The following CAPN14 variants were observed in gnomAD, a reference collection of about 807,000 sequenced individuals.
The protein encoded by CAPN14 is calpain 14, also known as calpain-14.
In CAPN14, 94 loss-of-function variants were observed where a neutral mutation model predicts 101.3. That is an observed-to-expected ratio of 0.93 (90% CI 0.79 to 1.10). CAPN14 has a LOEUF of 1.10. Ranked by LOEUF, CAPN14 falls within the 50% of genes least tolerant of loss-of-function variation. CAPN14 has a pLI of 0.00. For missense variants in CAPN14, 837 were observed against 828.4 expected, an observed-to-expected ratio of 1.01 and a Z score of -0.13; for synonymous variants, 338 against 317.9, an observed-to-expected ratio of 1.06 and a Z score of -0.67.
chr2:31,191,163 C>T (rs1681156564), intron 12 of CAPN14, among the ~76,000 whole-genome samples: 1 of 152,040 alleles, frequency 6.6e-6, no homozygotes, highest in African/African-American at 2.4e-5. Context: ...CTGCTAGGCT[C>T]TAAGACTTTC....
At chr2:31,220,939 A>G (rs1682844424), upstream of CAPN14, among the ~76,000 whole-genome samples, 1 of 152,236 alleles carries the variant, frequency 6.6e-6, no homozygotes, top group Admixed American at 6.5e-5. Flanking sequence ...GTTCAGAAGA[A>G]TGAAAGGAAA....
intron 1 of CAPN14, among the ~76,000 whole-genome samples, chr2:31,233,154 G>A (rs549801707): frequency 6.6e-6 from 1 of 152,278 alleles, no homozygotes; most frequent in South Asian, 2.1e-4. Context: ...CCAGGCCCCT[G>A]CACATGCTGA....
Position 31,194,261 on chromosome 2 carries a change from C to G in CAPN14, c.950+148G>C, listed in dbSNP as rs559869968. On this transcript the variant is annotated intron_variant, in intron 9 of 21. Transcript: ENST00000403897. ...CGTTTATTTACAGGCACTGTTTGTCCTGCTAGACCGTGAGCTCCTAAAGGG... is the reference window on the plus strand; with the variant it reads ...CGTTTATTTACAGGCACTGTTTGTCGTGCTAGACCGTGAGCTCCTAAAGGG... 7.1e-4 allele frequency: 454 copies of G among 635,088 alleles called. 3 individuals are homozygous for G. The East Asian group carries it at 8.0e-3, about 11-fold the overall frequency. The allele number at this position is 635,088 out of a possible 1,614,324, so 39.3% of individuals were successfully genotyped here.
chr2:31,193,095 T>G (rs1572407111), intron 10 of CAPN14, 36 bp downstream of exon 10: 1 of 1,529,176 alleles, frequency 6.5e-7, no homozygotes, highest in Non-Finnish European at 8.8e-7. Context: ...GCCCACAACC[T>G]CACCCTGAGA....
At chr2:31,209,705 G>T (rs1284397034) in intron 1 of CAPN14, among the ~76,000 whole-genome samples, 1 of 152,102 alleles carries the variant, frequency 6.6e-6, no homozygotes, top group Non-Finnish European at 1.5e-5. Context: ...CCTTCAGGTG[G>T]GTCTCAGTGA....
chr2:31,187,887 C>A (rs1680987112), intron 14 of CAPN14, 73 bp from the exon 15 acceptor site: 1 of 1,155,742 alleles, frequency 8.7e-7, no homozygotes, highest in South Asian at 1.4e-5. Flanking sequence ...ACCCTAATGT[C>A]TCATGGCTTC....
intron 17 of CAPN14, among the ~76,000 whole-genome samples, chr2:31,179,581 T>C (rs913693156): frequency 1.3e-5 from 2 of 152,246 alleles, no homozygotes; most frequent in South Asian, 2.1e-4. Context: ...TTTGGGTATA[T>C]ACCCAGTAAT....
At chr2:31,188,773 C>T (rs1003552214) in intron 13 of CAPN14, among the ~76,000 whole-genome samples, 1 of 152,108 alleles carries the variant, frequency 6.6e-6, no homozygotes, top group Admixed American at 6.5e-5. Context: ...CAACTGGATA[C>T]AGTAGTAGAA....
At chr2:31,218,277 C>A (rs1250582838), upstream of CAPN14, among the ~76,000 whole-genome samples, 1 of 145,396 alleles carries the variant, frequency 6.9e-6, no homozygotes, top group Non-Finnish European at 1.5e-5. Flanking sequence ...CCACCACTTG[C>A]ACAGATTTCC....
intron 1 of CAPN14, among the ~76,000 whole-genome samples, chr2:31,212,737 T>C (rs1682464330): frequency 6.6e-6 from 1 of 152,240 alleles, no homozygotes; most frequent in Admixed American, 6.5e-5. Context: ...TACTATGTGC[T>C]AGACACTATG....
At position 31,187,722 on chromosome 2, in the gene CAPN14, C is replaced by T. The variant is rs755007215; in HGVS notation, c.1587+36G>A. 209 of 1,522,804 alleles carry T rather than the reference C, an allele frequency of 1.4e-4. No individual in the cohort carries two copies. The Middle Eastern group carries it at 2.9e-3, about 21-fold the overall frequency. 94.3% of individuals were successfully genotyped at this position (1,522,804 alleles called of 1,614,324 possible). A position where few individuals can be genotyped will look rare whatever the true frequency, so the allele number is the denominator to read the frequency against. ...ATGAGAAGCTCCACTTCGTCCCCTG[C>T]TCTTCCTCACCCCCCACCACACCTG... On this transcript the variant is annotated intron_variant, in intron 15 of 21. Transcript: ENST00000403897.
At chr2:31,188,395 T>C (rs1681010872) in intron 13 of CAPN14, 41 bp from the exon 14 acceptor site, 3 of 1,548,812 alleles carry the variant, frequency 1.9e-6, no homozygotes, top group Admixed American at 3.9e-5. Context: ...AGTTTCCTCT[T>C]GGGAATTTTT....
intron 2 of CAPN14, among the ~76,000 whole-genome samples, chr2:31,222,956 C>T (rs1421684270): frequency 6.6e-6 from 1 of 152,156 alleles, no homozygotes; most frequent in Non-Finnish European, 1.5e-5. Flanking sequence ...ATAAAAGGGA[C>T]CCCAGAGAAC....
intron 17 of CAPN14, among the ~76,000 whole-genome samples, chr2:31,179,063 TATATA>T (rs1558610440): frequency 0.014 from 1,904 of 138,104 alleles, 47 homozygotes; most frequent in African/African-American, 0.044. Context: ...TTGAGTTCTA[TATATA>T]TATATATATA....
chr2:31,198,698 A>T (rs1681591643), intron 7 of CAPN14, among the ~76,000 whole-genome samples: 1 of 152,226 alleles, frequency 6.6e-6, no homozygotes, highest in African/African-American at 2.4e-5. Context: ...GAGTTAAAGG[A>T]AACTGGAGTA....
chr2:31,177,713 T>C (rs375043662), intron 19 of CAPN14, 33 bp downstream of exon 19: 7 of 1,494,508 alleles, frequency 4.7e-6, no homozygotes, highest in African/African-American at 1.4e-5. Context: ...CCTGCCCGTG[T>C]GTGCCCACAG....
chr2:31,185,245 A>G lies in CAPN14; in HGVS notation c.1645+1183T>C, dbSNP rs997875991. Among the ~76,000 whole-genome samples the G allele has an allele frequency of 3.3e-5, 5 of 152,232 alleles. No individual in the cohort carries two copies. The East Asian group carries it at 7.7e-4, about 23-fold the overall frequency. On this transcript the variant is annotated intron_variant, in intron 16 of 21. Transcript: ENST00000403897. ...CTCTCATCTAAACATCTAAGCATAT[A>G]GACTCTTGCCTGTAACTGGATAGAA... is the stretch of plus-strand genomic sequence containing the variant.
intron 1 of CAPN14, among the ~76,000 whole-genome samples, chr2:31,229,835 T>C (rs115048517): frequency 0.031 from 4,701 of 152,234 alleles, 78 homozygotes; most frequent in Non-Finnish European, 0.038. Context: ...TTCCTTTGCT[T>C]CTCTTTTTAA....
At chr2:31,208,190 G>GT (rs1400042054) in intron 1 of CAPN14, among the ~76,000 whole-genome samples, 1 of 151,880 alleles carries the variant, frequency 6.6e-6, no homozygotes, top group African/African-American at 2.4e-5. Flanking sequence ...AAAAACTGGA[G>GT]TTTTTTTCCC....
Sources: allele counts gnomAD v4.1 joint callset (sites outside exome capture counted in the v4.1 genomes callset), GRCh38; gene constraint gnomAD v4.1.1; transcripts MANE v1.5; gene names NCBI Gene and HGNC (gene_info 2026-07-23, HGNC 2026-07-21).